ZNF577: variants seen among roughly 807,000 people sequenced by gnomAD.
ZNF577 encodes the protein zinc finger protein 577.
In ZNF577, 14 loss-of-function variants were observed where a neutral mutation model predicts 13.9. The observed-to-expected ratio is 1.00, with a 90% CI of 0.66 to 1.57. The LOEUF is 1.57. Ranked by LOEUF, ZNF577 falls within the 40% of genes most tolerant of loss-of-function variation. The probability of loss-of-function intolerance (pLI) is 0.00; values close to 1 mark genes in which losing one functional copy is unlikely to be tolerated. For synonymous variants in ZNF577, 203 were observed against 202.9 expected (o/e 1.00, Z 0.00); for missense variants, 555 against 579.2 (o/e 0.96, Z 0.43).
chr19:51,835,631 T>G (rs189901991), intron 9 of ZNF577, among the ~76,000 whole-genome samples: 1 of 152,298 alleles, frequency 6.6e-6, no homozygotes, highest in African/African-American at 2.4e-5. Flanking sequence ...ATTAATAAAT[T>G]TTTTATTTTA....
chr19:51,873,639 T>A lies in ZNF577; in HGVS notation c.351A>T (p.Ser117=), dbSNP rs749490611. 1 of 1,614,154 alleles carries A rather than the reference T, an allele frequency of 6.2e-7. No individual in the cohort carries two copies. The highest frequency in any genetic ancestry group is 8.5e-7 in the Non-Finnish European group (1 of 1,179,962). ...DSDAFGGYGR[S]CLHIKRDKTL... ...TTTTGTCACGCTTGATATGGAGGCA[T>A]GATCTCCCATATCCACCAAATGCAT... Residue 117 remains serine (S), a synonymous_variant, in exon 6 of 6, where the codon TCA becomes TCT. Coordinates refer to ENST00000638348, the MANE Select transcript of ZNF577 (RefSeq NM_001370449.1).
intron 5 of ZNF577, among the ~76,000 whole-genome samples, chr19:51,849,189 A>C (rs1327399931): frequency 6.6e-6 from 1 of 152,220 alleles, no homozygotes; most frequent in Non-Finnish European, 1.5e-5. Flanking sequence ...CCAATGGAGA[A>C]AGGGTAAGTT....
intron 5 of ZNF577, among the ~76,000 whole-genome samples, chr19:51,858,033 C>T (rs1292438330): frequency 6.6e-6 from 1 of 152,062 alleles, no homozygotes; most frequent in Non-Finnish European, 1.5e-5. Flanking sequence ...TTTGAATTCC[C>T]TTACTCTCAC....
chr19:51,830,581 T>C (rs1396903818), intron 9 of ZNF577, among the ~76,000 whole-genome samples: 4 of 152,360 alleles, frequency 2.6e-5, no homozygotes, highest in East Asian at 3.9e-4. Context: ...CTAAGTCATA[T>C]ATGCTTATCT....
chr19:51,834,127 G>A (rs1471827953), intron 9 of ZNF577, among the ~76,000 whole-genome samples: 1 of 151,980 alleles, frequency 6.6e-6, no homozygotes, highest in Non-Finnish European at 1.5e-5. Context: ...GTCTTGCTCT[G>A]TCACCCAGGC....
intron 9 of ZNF577, among the ~76,000 whole-genome samples, chr19:51,815,506 T>A (rs1599837273): frequency 6.7e-6 from 1 of 150,032 alleles, no homozygotes; most frequent in South Asian, 2.1e-4. Flanking sequence ...GAGGTGGAGG[T>A]TGCAGTGAGC....
rs561862562 is a variant in ZNF577 at position 51,867,618 on chromosome 19, C to CA, written c.*4913dup. Among the ~76,000 whole-genome samples, 5,578 of 110,276 alleles carry CA rather than the reference C, an allele frequency of 0.051. 314 individuals are homozygous for CA. The highest frequency in any genetic ancestry group is 0.16 in the African/African-American group (4,729 of 29,086). 72.3% of individuals were successfully genotyped at this position (110,276 alleles called of 152,430 possible). A position where few individuals can be genotyped will look rare whatever the true frequency, so the allele number is the denominator to read the frequency against. ...TGAAACCCCGTCTCTACTAAAAATA[C>CA]AAAAAAAAAAAAAAAAATTAGCCGG... On this transcript the variant is annotated 3_prime_UTR_variant, in exon 6 of 6. Coordinates refer to ENST00000638348, the MANE Select transcript of ZNF577 (RefSeq NM_001370449.1).
chr19:51,831,179 G>A lies in ZNF577; in HGVS notation c.*599+8714C>T, dbSNP rs188635467. ...TGTCCAGGCTGGAGTGCTGTGGTGC[G>A]ATCTTCACTCACCGCAACCTCTGCC... On this transcript the variant is annotated intron_variant and NMD_transcript_variant, in intron 9 of 10. Transcript: ENST00000638827. Among the ~76,000 whole-genome samples the A allele has an allele frequency of 8.6e-4, 131 of 152,090 alleles. 2 individuals are homozygous for A. Among genetic ancestry groups the A allele is most frequent in the South Asian group, 7.5e-3 (36 of 4,810 alleles).
chr19:51,881,754 A>T (rs892895558), intron 1 of ZNF577, among the ~76,000 whole-genome samples: 1 of 152,170 alleles, frequency 6.6e-6, no homozygotes, highest in African/African-American at 2.4e-5. Context: ...TGCAATATTC[A>T]GTGTGGATGC....
chr19:51,873,410 T>C lies in ZNF577; in HGVS notation c.580A>G (p.Thr194Ala). The C allele has an allele frequency of 7.4e-6, 12 of 1,614,154 alleles. No homozygotes were observed. The highest frequency in any genetic ancestry group is 1.0e-5 in the Non-Finnish European group (12 of 1,180,022). ...GTGAGCTGAATCTTCCTCATGAATGTTTTCCCACATTCACCACATCCATGG... is the reference window on the plus strand; with the variant it reads ...GTGAGCTGAATCTTCCTCATGAATGCTTTCCCACATTCACCACATCCATGG... ...KPHGCGECGK[T>A]FMRKIQLTEH... Residue 194 changes from threonine (T) to alanine (A), a missense_variant, in exon 6 of 6, where the codon ACA (threonine) becomes GCA (alanine). Physicochemically the swap from Thr to Ala is moderately conservative, Grantham distance 58 (BLOSUM62 0). Transcript: ENST00000638348.
chr19:51,843,543 AG>A (rs1568438328), intron 6 of ZNF577, among the ~76,000 whole-genome samples: 1 of 152,140 alleles, frequency 6.6e-6, no homozygotes, highest in Non-Finnish European at 1.5e-5. Flanking sequence ...CCCGATGTAA[AG>A]TGTCTTTTAA....
Position 51,873,235 on chromosome 19 carries a change from C to A in ZNF577, c.755G>T (p.Ser252Ile). The change falls in exon 6 of 6, where the codon AGC becomes ATC. Residue 252 changes from serine to isoleucine, a missense_variant. By Grantham distance (142) the Ser-to-Ile change is moderately radical. Transcript: ENST00000638348. ...ATGTCTATTGAGCCGGCACTTCCGG[C>A]TGAAGGCTTTTCCGCATTTGCTGCA... ...YRCSKCGKAF[S>I]RKCRLNRHQR... 6.2e-7 allele frequency: 1 copy of A among 1,613,924 alleles called. No homozygotes were observed. The highest frequency in any genetic ancestry group is 8.5e-7 in the Non-Finnish European group (1 of 1,179,822).
intron 1 of ZNF577, 67 bp downstream of exon 1, chr19:51,886,754 T>C (rs547262532): frequency 5.9e-5 from 9 of 152,262 alleles, no homozygotes; most frequent in African/African-American, 1.7e-4. Flanking sequence ...TCATAATGAT[T>C]CCATGAAAAA....
At chr19:51,882,630 A>T (rs923067590) in intron 1 of ZNF577, among the ~76,000 whole-genome samples, 1 of 152,054 alleles carries the variant, frequency 6.6e-6, no homozygotes, top group Non-Finnish European at 1.5e-5. Context: ...AAAAAAAATT[A>T]AAAATTTGCC....
downstream of ZNF577, chr19:51,863,381 A>C (rs1018638665): frequency 6.6e-6 from 1 of 152,236 alleles, no homozygotes; most frequent in Non-Finnish European, 1.5e-5. Flanking sequence ...TTACCATAAA[A>C]AGATATTAGT....
chr19:51,879,425 A>G (rs1368051104), intron 3 of ZNF577, among the ~76,000 whole-genome samples: 1 of 150,780 alleles, frequency 6.6e-6, no homozygotes, highest in African/African-American at 2.4e-5. Context: ...AAAAATTAGC[A>G]GGGTGTGGTG....
At chr19:51,807,091 A>G (rs2084064226) in intron 10 of ZNF577, among the ~76,000 whole-genome samples, 1 of 152,224 alleles carries the variant, frequency 6.6e-6, no homozygotes, top group Admixed American at 6.5e-5. Context: ...GCGTGGGAAT[A>G]AAAGACAAGA....
At chr19:51,860,801 T>C (rs1292451927) in intron 5 of ZNF577, 2 of 296,296 alleles carry the variant, frequency 6.8e-6, no homozygotes, top group African/African-American at 4.7e-5. Context: ...AAGATAAACA[T>C]TAACTGGGAA....
intron 5 of ZNF577, chr19:51,861,283 ATTTGT>A (rs1292035944): frequency 1.9e-5 from 3 of 155,100 alleles, no homozygotes; most frequent in African/African-American, 5.3e-5. Context: ...ACACCTGGCT[ATTTGT>A]TTTTTTTTTT....
Sources: gnomAD v4.1 joint callset for allele counts (sites outside exome capture counted in the v4.1 genomes callset) on GRCh38, gnomAD v4.1.1 for gene constraint, MANE v1.5 for transcripts, NCBI Gene and HGNC (gene_info 2026-07-23, HGNC 2026-07-21) for gene names.